The following COL27A1 variants were observed in gnomAD, a reference collection of about 807,000 sequenced individuals.
COL27A1 encodes the protein collagen type XXVII alpha 1 chain, also known as collagen alpha-1(XXVII) chain.
In COL27A1, 106 loss-of-function variants were observed where a neutral mutation model predicts 251.3. The ratio of observed to expected loss-of-function variants is 0.42; its 90% CI spans 0.36 to 0.50. The LOEUF is 0.50. Among genes scored for constraint, COL27A1 ranks in the 20% least tolerant of loss-of-function variants. The pLI, the probability that COL27A1 is intolerant of heterozygous loss-of-function variation, is 0.00. For synonymous variants in COL27A1, 1,000 were observed against 986.3 expected, an observed-to-expected ratio of 1.01 and a Z score of -0.26; for missense variants, 2,325 against 2,522.8, an observed-to-expected ratio of 0.92 and a Z score of 1.68.
chr9:114,178,964 G>C (rs1827688861), intron 4 of COL27A1, among the ~76,000 whole-genome samples: 1 of 152,162 alleles, frequency 6.6e-6, no homozygotes, highest in African/African-American at 2.4e-5. Flanking sequence ...TCATTTTAGA[G>C]ATGAGGAAAC....
intron 48 of COL27A1, among the ~76,000 whole-genome samples, chr9:114,291,250 C>T (rs1453903069): frequency 1.3e-5 from 2 of 152,164 alleles, no homozygotes; most frequent in Non-Finnish European, 2.9e-5. Flanking sequence ...AGAAAGCTTC[C>T]CAGTGCCGCG....
At chr9:114,266,821 C>T (rs529086302) in intron 33 of COL27A1, among the ~76,000 whole-genome samples, 30 of 152,280 alleles carry the variant, frequency 2.0e-4, no homozygotes, top group African/African-American at 6.5e-4. Context: ...GGAGCTGGCT[C>T]CTAGTCCAGG....
intron 14 of COL27A1, among the ~76,000 whole-genome samples, chr9:114,224,370 C>T (rs1831320149): frequency 1.3e-5 from 2 of 152,128 alleles, no homozygotes; most frequent in Non-Finnish European, 2.9e-5. Flanking sequence ...GTGGATGGAG[C>T]CCGAGTCGTC....
intron 48 of COL27A1, 64 bp from the exon 49 acceptor site, chr9:114,292,039 C>T (rs372416010): frequency 8.0e-5 from 113 of 1,406,790 alleles, no homozygotes; most frequent in African/African-American, 2.4e-4. Flanking sequence ...AGGCCCCCTC[C>T]GCCTCCTCCT....
intron 27 of COL27A1, among the ~76,000 whole-genome samples, chr9:114,255,244 A>T (rs904404446): frequency 6.4e-4 from 98 of 152,186 alleles, no homozygotes; most frequent in African/African-American, 2.3e-3. Flanking sequence ...CATTCTGGTC[A>T]GGGGGCTAGC....
chr9:114,157,580 C>G (rs895046693), intron 1 of COL27A1, among the ~76,000 whole-genome samples: 1 of 152,254 alleles, frequency 6.6e-6, no homozygotes, highest in Non-Finnish European at 1.5e-5. Flanking sequence ...CTCCCCTGTT[C>G]TTTGTTGGCA....
In COL27A1 at chr9:114,168,875, C is replaced by T. The variant is rs1482449735; in HGVS notation, c.1320C>T (p.Thr440=). The T allele has an allele frequency of 6.2e-7, 1 of 1,614,128 alleles. No homozygotes were observed. The highest frequency in any genetic ancestry group is 8.5e-7 in the Non-Finnish European group (1 of 1,180,034). Residue 440 remains threonine (T), a synonymous_variant, in exon 3 of 61, where the codon ACC becomes ACT. Transcript: ENST00000356083. ...PGMPRPPPPS[T]RPLPPTTSSS... ...TGCCCAGGCCCCCACCGCCCAGCAC[C>T]CGGCCCCTACCTCCTACCACCAGCT...
At chr9:114,226,657 C>T (rs1338708159) in intron 14 of COL27A1, among the ~76,000 whole-genome samples, 1 of 152,248 alleles carries the variant, frequency 6.6e-6, no homozygotes, top group Non-Finnish European at 1.5e-5. Context: ...AGCTCCAGGT[C>T]CCTGTCCCGA....
In COL27A1 at chr9:114,168,363, G is replaced by A. The variant is rs1301444585; in HGVS notation, c.808G>A (p.Glu270Lys). 1 of 1,613,294 alleles carries A rather than the reference G, an allele frequency of 6.2e-7. No homozygotes were observed. Residue 270 changes from glutamate (E) to lysine (K), a missense_variant, in exon 3 of 61, where the codon GAG (glutamate) becomes AAG (lysine). Physicochemically the swap from Glu to Lys is moderately conservative, Grantham distance 56. Around this residue, in one of 4 missense-constraint regions of COL27A1, gnomAD observed 1,183 missense variants for 1,144.1 expected, o/e 1.03. Coordinates refer to ENST00000356083, the MANE Select transcript of COL27A1 (RefSeq NM_032888.4). ...GTCCGACCTCGCCCTGCTAGGCCTGGAGAACTTGACCACTGCCACACCAGC... is the reference window on the plus strand; with the variant it reads ...GTCCGACCTCGCCCTGCTAGGCCTGAAGAACTTGACCACTGCCACACCAGC... The part of the protein sequence containing the change: ...FQSDLALLGL[E>K]NLTTATPALG...
At chr9:114,208,454 AT>A (rs1830125381) in intron 10 of COL27A1, among the ~76,000 whole-genome samples, 1 of 152,026 alleles carries the variant, frequency 6.6e-6, no homozygotes, top group Non-Finnish European at 1.5e-5. Context: ...GTCTCAAAAA[AT>A]ATATATAAAT....
chr9:114,305,189 G>A (rs965775696), intron 57 of COL27A1, among the ~76,000 whole-genome samples: 1 of 152,188 alleles, frequency 6.6e-6, no homozygotes, highest in African/African-American at 2.4e-5. Context: ...TCACATGACA[G>A]GGAACTTACT....
At position 114,290,475 on chromosome 9, in the gene COL27A1, A is replaced by G; in HGVS notation, c.4368+144A>G. 1 of 750,514 alleles carries G rather than the reference A, an allele frequency of 1.3e-6. No individual in the cohort carries two copies. The highest frequency in any genetic ancestry group is 1.6e-5 in the South Asian group (1 of 62,430). 46.5% of individuals were successfully genotyped at this position (750,514 alleles called of 1,614,324 possible). On this transcript the variant is annotated intron_variant, in intron 47 of 60. Coordinates refer to ENST00000356083, the MANE Select transcript of COL27A1 (RefSeq NM_032888.4). The surrounding 1 kb of genome is among the most constrained non-coding windows in gnomAD (Gnocchi z 4.6). ...ATCCAGAAGTTCTCTGGGGTGGGCA[A>G]CCATCTCCTCCCCTGGCACCTGGGA...
At chr9:114,223,792 C>T (rs1831279923) in intron 14 of COL27A1, among the ~76,000 whole-genome samples, 1 of 152,154 alleles carries the variant, frequency 6.6e-6, no homozygotes, top group Non-Finnish European at 1.5e-5. Flanking sequence ...AATAGTGGTA[C>T]CTAACTTGGA....
chr9:114,183,309 C>T (rs967617263), intron 5 of COL27A1, among the ~76,000 whole-genome samples: 2 of 152,164 alleles, frequency 1.3e-5, no homozygotes, highest in Non-Finnish European at 2.9e-5. Flanking sequence ...GAACCCAGAG[C>T]CTTCAGGGGA....
At chr9:114,252,790 G>A in intron 26 of COL27A1, 89 bp from the exon 27 acceptor site, 1 of 1,456,138 alleles carries the variant, frequency 6.9e-7, no homozygotes, top group East Asian at 2.3e-5. Flanking sequence ...TGTCCTCCTG[G>A]CTTTGCACTG....
intron 14 of COL27A1, 73 bp downstream of exon 14, chr9:114,222,340 C>A: frequency 7.1e-7 from 1 of 1,404,484 alleles, no homozygotes; most frequent in Non-Finnish European, 1.0e-6. Flanking sequence ...TGTGGGGAGC[C>A]AGGAGCAGGC....
intron 28 of COL27A1, among the ~76,000 whole-genome samples, chr9:114,259,453 A>G (rs1834164032): frequency 6.6e-6 from 1 of 151,992 alleles, no homozygotes. Flanking sequence ...TCTCATTCCC[A>G]TTTTATTATT....
chr9:114,237,255 G>A (rs1030426961), intron 18 of COL27A1, among the ~76,000 whole-genome samples: 1 of 152,214 alleles, frequency 6.6e-6, no homozygotes, highest in Non-Finnish European at 1.5e-5. Context: ...CTCATTTGCC[G>A]ACAAAGCTCT....
chr9:114,184,411 G>A (rs1195332066), intron 5 of COL27A1, among the ~76,000 whole-genome samples: 2 of 152,248 alleles, frequency 1.3e-5, no homozygotes, highest in Admixed American at 6.5e-5. Flanking sequence ...GGTCTCACAT[G>A]GTAGCCCTGG....
Sources: gnomAD v4.1 joint callset for allele counts (sites outside exome capture counted in the v4.1 genomes callset) on GRCh38, gnomAD v4.1.1 for gene constraint, gnomAD v4.1.1 regional missense constraint, Gnocchi (gnomAD v3.1) non-coding constraint, MANE v1.5 for transcripts, NCBI Gene and HGNC (gene_info 2026-07-23, HGNC 2026-07-21) for gene names.